HS3ST4: variants seen among roughly 807,000 people sequenced by gnomAD.
HS3ST4 encodes the protein heparan sulfate glucosamine 3-O-sulfotransferase 4.
Under a neutral mutation model 29.2 loss-of-function variants are expected in HS3ST4, and 17 were observed. That is an observed-to-expected ratio of 0.58 (90% CI 0.40 to 0.87). The LOEUF (loss-of-function observed/expected upper bound fraction) is 0.87, where lower values mean the gene tolerates loss of function less well. HS3ST4 is among the 40% of genes least tolerant of loss of function. HS3ST4 has a pLI of 0.00. For synonymous variants in HS3ST4, 314 were observed against 285.7 expected, an observed-to-expected ratio of 1.10 and a Z score of -1.00; for missense variants, 627 against 634.5, an observed-to-expected ratio of 0.99 and a Z score of 0.13.
At chr16:25,865,871 T>C (rs1279826665) in intron 1 of HS3ST4, among the ~76,000 whole-genome samples, 4 of 152,038 alleles carry the variant, frequency 2.6e-5, no homozygotes, top group Admixed American at 2.6e-4. Flanking sequence ...CTAAAGCCAC[T>C]AGAAAAAAAC....
chr16:25,731,515 A>AT (rs1015142447), intron 1 of HS3ST4, among the ~76,000 whole-genome samples: 31 of 151,910 alleles, frequency 2.0e-4, no homozygotes, highest in African/African-American at 3.4e-4. Flanking sequence ...TAATTTTTGT[A>AT]TTTTTTTAAG....
chr16:25,917,337 C>G (rs888688178), intron 1 of HS3ST4, among the ~76,000 whole-genome samples: 4 of 152,134 alleles, frequency 2.6e-5, no homozygotes, highest in Non-Finnish European at 4.4e-5. Flanking sequence ...CTTACCCTCC[C>G]GAGTAGCTGG....
chr16:25,757,194 TG>T (rs1966763376), intron 1 of HS3ST4, among the ~76,000 whole-genome samples: 1 of 152,236 alleles, frequency 6.6e-6, no homozygotes, highest in South Asian at 2.1e-4. Context: ...CCTGTGTAAC[TG>T]TACTTGGCAA....
At chr16:26,021,001 G>A (rs373077754) in intron 1 of HS3ST4, among the ~76,000 whole-genome samples, 11 of 152,190 alleles carry the variant, frequency 7.2e-5, no homozygotes, top group Admixed American at 6.5e-4. Flanking sequence ...ATGCATATAA[G>A]GCCCTTTCCA....
intron 1 of HS3ST4, among the ~76,000 whole-genome samples, chr16:25,824,429 T>C (rs1273040252): frequency 1.3e-5 from 2 of 152,112 alleles, no homozygotes; most frequent in Admixed American, 6.6e-5. Context: ...CCACATGGCT[T>C]TGGAGGCCTC....
chr16:25,794,060 TTGGTGTTGTA>T (rs1966876290), intron 1 of HS3ST4, among the ~76,000 whole-genome samples: 1 of 152,084 alleles, frequency 6.6e-6, no homozygotes, highest in African/African-American at 2.4e-5. Flanking sequence ...CCTTTGATTC[TTGGTGTTGTA>T]ATTTACGCTA....
intron 1 of HS3ST4, among the ~76,000 whole-genome samples, chr16:25,734,718 G>A (rs529889418): frequency 6.6e-5 from 10 of 152,310 alleles, no homozygotes; most frequent in African/African-American, 2.2e-4. Context: ...ATGAAGATGA[G>A]CTGGTGAGTT....
intron 1 of HS3ST4, chr16:25,825,933 G>A (rs898392192): frequency 6.6e-6 from 1 of 152,216 alleles, no homozygotes; most frequent in African/African-American, 2.4e-5. Flanking sequence ...GAAATTCTTT[G>A]CCCTTTAAAG....
chr16:25,961,857 A>T (rs1276172950), intron 1 of HS3ST4, among the ~76,000 whole-genome samples: 1 of 152,192 alleles, frequency 6.6e-6, no homozygotes. Flanking sequence ...AAAGTTTCTT[A>T]CTTAGAAAGT....
chr16:26,089,556 G>T (rs956285007), intron 1 of HS3ST4, among the ~76,000 whole-genome samples: 9 of 152,220 alleles, frequency 5.9e-5, no homozygotes, highest in African/African-American at 1.9e-4. Flanking sequence ...GGAGCTTCAT[G>T]TGTGCTGAGA....
intron 1 of HS3ST4, among the ~76,000 whole-genome samples, chr16:25,929,142 G>A (rs541475966): frequency 3.3e-5 from 5 of 152,306 alleles, no homozygotes; most frequent in African/African-American, 1.2e-4. Context: ...CCAGCAGTTT[G>A]GGAGGCTGAC....
At chr16:25,915,823 T>C (rs1968288349) in intron 1 of HS3ST4, among the ~76,000 whole-genome samples, 1 of 152,194 alleles carries the variant, frequency 6.6e-6, no homozygotes. Context: ...CAGCTTAAAA[T>C]AGACTCAGCT....
rs979270634 is a variant in HS3ST4 at position 26,136,184 on chromosome 16, A to G, written c.1307A>G (p.Asn436Ser). ...CTGAGGAAATTCTACAAACCCTTCA[A>G]CTTGATGTTTTACCAAATGACTGGT... Reference protein sequence around the residue: ...HRLRKFYKPFNLMFYQMTGQD... With the variant: ...HRLRKFYKPFSLMFYQMTGQD... Residue 436 changes from asparagine to serine, a missense_variant, in exon 2 of 2, where the codon AAC becomes AGC. Asn to Ser is a conservative substitution (Grantham distance 46). Around this residue, in one of 2 missense-constraint regions of HS3ST4, gnomAD observed 225 missense variants for 293.7 expected, o/e 0.77. Transcript: ENST00000331351. The G allele has an allele frequency of 8.1e-6, 13 of 1,613,362 alleles. No homozygotes were observed. Among genetic ancestry groups the G allele is most frequent in the South Asian group, 3.3e-5 (3 of 90,916 alleles).
chr16:25,992,157 G>A (rs1969119857), intron 1 of HS3ST4, among the ~76,000 whole-genome samples: 2 of 152,216 alleles, frequency 1.3e-5, no homozygotes, highest in Admixed American at 1.3e-4. Context: ...CATGGAGTTT[G>A]TATTCTGGTG....
chr16:26,077,758 A>G (rs1045494387), intron 1 of HS3ST4, among the ~76,000 whole-genome samples: 1 of 152,238 alleles, frequency 6.6e-6, no homozygotes, highest in African/African-American at 2.4e-5. Flanking sequence ...TATCTTAAGC[A>G]TTTTCAATAA....
At chr16:25,905,335 TA>T (rs1283514369) in intron 1 of HS3ST4, among the ~76,000 whole-genome samples, 3 of 150,322 alleles carry the variant, frequency 2.0e-5, no homozygotes, top group Non-Finnish European at 2.9e-5. Context: ...AAAAATTAGA[TA>T]GGGGCGGAGG....
At chr16:25,818,719 T>C (rs1419936930) in intron 1 of HS3ST4, among the ~76,000 whole-genome samples, 1 of 152,244 alleles carries the variant, frequency 6.6e-6, no homozygotes, top group African/African-American at 2.4e-5. Flanking sequence ...AGAAACTACC[T>C]GGGCGTCTAC....
chr16:25,921,748 G>GT lies in HS3ST4; in HGVS notation c.735-213854dup, dbSNP rs973083854. 5.0e-3 allele frequency among the ~76,000 whole-genome samples: 726 copies of GT among 144,452 alleles called. 5 individuals are homozygous for GT. The highest frequency in any genetic ancestry group is 0.016 in the African/African-American group (652 of 39,588). The allele number at this position is 144,452 out of a possible 152,430, so 94.8% of individuals were successfully genotyped here. A position where few individuals can be genotyped will look rare whatever the true frequency, so the allele number is the denominator to read the frequency against. On this transcript the variant is annotated intron_variant, in intron 1 of 1. Coordinates refer to ENST00000331351, the MANE Select transcript of HS3ST4 (RefSeq NM_006040.3). Reference sequence around the variant, plus strand: ...CCATTGATTAATTTCTCTCTTCTAAGTTTTTTTTTTCTTTTTTTTTTTTTG... The same window carrying GT: ...CCATTGATTAATTTCTCTCTTCTAAGTTTTTTTTTTTCTTTTTTTTTTTTTG...
intron 1 of HS3ST4, among the ~76,000 whole-genome samples, chr16:25,809,618 T>C (rs1345254818): frequency 1.3e-5 from 2 of 152,194 alleles, no homozygotes; most frequent in Non-Finnish European, 2.9e-5. Flanking sequence ...AATTTTCCAG[T>C]GAAACCATCT....
Sources: gnomAD v4.1 joint callset for allele counts (sites outside exome capture counted in the v4.1 genomes callset) on GRCh38, gnomAD v4.1.1 for gene constraint, gnomAD v4.1.1 regional missense constraint, MANE v1.5 for transcripts, NCBI Gene and HGNC (gene_info 2026-07-23, HGNC 2026-07-21) for gene names.